The following ZC3H12B variants were observed in gnomAD, a reference collection of about 807,000 sequenced individuals.
ZC3H12B encodes the protein zinc finger CCCH-type containing 12B.
ZC3H12B carries 7 observed loss-of-function variants against 43.9 expected under a neutral mutation model. That is an observed-to-expected ratio of 0.16 (90% CI 0.09 to 0.30). The LOEUF is 0.30. Ranked by LOEUF, ZC3H12B falls within the 10% of genes least tolerant of loss-of-function variation. ZC3H12B has a pLI of 1.00. For synonymous variants in ZC3H12B, 222 were observed against 241.7 expected, an observed-to-expected ratio of 0.92 and a Z score of 0.76; for missense variants, 475 against 670.2, an observed-to-expected ratio of 0.71 and a Z score of 3.22.
the ZC3H12B span, among the ~76,000 whole-genome samples, chrX:65,213,043 A>G: frequency 8.6e-5 from 9 of 105,083 alleles, no homozygotes; most frequent in East Asian, 8.7e-4. Context: ...TCCATTCCCT[A>G]CTCTCTTCTC....
chrX:65,390,947 C>T (rs371674286), intron 2 of ZC3H12B, among the ~76,000 whole-genome samples: 10 of 111,623 alleles, frequency 9.0e-5, no homozygotes, highest in East Asian at 2.8e-4. Context: ...GTTGTATCAT[C>T]GATGCAAAGA....
At chrX:65,162,951 G>A in the ZC3H12B span, among the ~76,000 whole-genome samples, 2 of 111,957 alleles carry the variant, frequency 1.8e-5, no homozygotes, top group African/African-American at 6.5e-5. Flanking sequence ...TTTTGGTGTG[G>A]ATGTCCTTTC....
At chrX:65,054,736 A>AT in the ZC3H12B span, among the ~76,000 whole-genome samples, 4 of 111,333 alleles carry the variant, frequency 3.6e-5, no homozygotes, top group Non-Finnish European at 7.5e-5. Context: ...ATGTTCTTCC[A>AT]TTTTTTTGTA....
chrX:65,328,136 G>A, the ZC3H12B span: 4 of 228,182 alleles, frequency 1.8e-5, no homozygotes, highest in Non-Finnish European at 3.6e-5. Flanking sequence ...CGGTGTCTAG[G>A]CCAACATTGC....
At chrX:65,302,466 T>C in the ZC3H12B span, among the ~76,000 whole-genome samples, 12 of 111,299 alleles carry the variant, frequency 1.1e-4, no homozygotes, top group East Asian at 3.4e-3. Context: ...AATAGGTACA[T>C]GATATAGGAG....
the ZC3H12B span, among the ~76,000 whole-genome samples, chrX:65,054,078 A>G: frequency 1.6e-4 from 18 of 111,822 alleles, no homozygotes; most frequent in Admixed American, 4.7e-4. Context: ...CTCTGATGGT[A>G]ATTTCTTTTG....
At chrX:65,270,489 A>G in the ZC3H12B span, among the ~76,000 whole-genome samples, 476 of 111,940 alleles carry the variant, frequency 4.3e-3, 3 homozygotes, top group Non-Finnish European at 6.3e-3. Flanking sequence ...TATTTTGGAT[A>G]TCATACCAAA....
intron 3 of ZC3H12B, among the ~76,000 whole-genome samples, chrX:65,477,598 C>A (rs1280323602): frequency 9.1e-6 from 1 of 110,284 alleles, no homozygotes; most frequent in African/African-American, 3.3e-5. Context: ...CAGGTCTCTA[C>A]TAAAAATACA....
the ZC3H12B span, among the ~76,000 whole-genome samples, chrX:65,273,240 C>T: frequency 9.0e-6 from 1 of 111,552 alleles, no homozygotes; most frequent in Non-Finnish European, 1.9e-5. Context: ...AGAAATGTAG[C>T]AAACAGTTCC....
At chrX:65,487,706 A>T (rs191754922), upstream of ZC3H12B, among the ~76,000 whole-genome samples, 13 of 112,197 alleles carry the variant, frequency 1.2e-4, no homozygotes, top group Admixed American at 1.9e-4. Flanking sequence ...CACATTCAGG[A>T]AAGTGCACAC....
At chrX:65,305,037 T>C in the ZC3H12B span, among the ~76,000 whole-genome samples, 28 of 111,489 alleles carry the variant, frequency 2.5e-4, no homozygotes, top group Non-Finnish European at 4.9e-4. Flanking sequence ...AGATGGCAAA[T>C]AAACACAAGA....
At chrX:65,048,946 A>G in the ZC3H12B span, among the ~76,000 whole-genome samples, 1 of 111,572 alleles carries the variant, frequency 9.0e-6, no homozygotes, top group Non-Finnish European at 1.9e-5. Context: ...GCATCTTTTC[A>G]TATACTTCTT....
chrX:65,479,701 C>T (rs967102977), intron 3 of ZC3H12B, among the ~76,000 whole-genome samples: 6 of 112,005 alleles, frequency 5.4e-5, no homozygotes, highest in Non-Finnish European at 7.5e-5. Flanking sequence ...GAAAACCTTT[C>T]GTTAAGTTCC....
chrX:65,235,453 G>T, the ZC3H12B span, among the ~76,000 whole-genome samples: 1 of 111,649 alleles, frequency 9.0e-6, no homozygotes, highest in South Asian at 3.7e-4. Flanking sequence ...CATGTTACAA[G>T]ATTCCTTTGG....
At chrX:65,418,777 C>T (rs2066987853) in intron 3 of ZC3H12B, among the ~76,000 whole-genome samples, 1 of 111,847 alleles carries the variant, frequency 8.9e-6, no homozygotes, top group Non-Finnish European at 1.9e-5. Flanking sequence ...CATTTCAAGA[C>T]TTGAACCAGT....
At chrX:65,141,545 A>G in the ZC3H12B span, among the ~76,000 whole-genome samples, 8 of 108,534 alleles carry the variant, frequency 7.4e-5, no homozygotes, top group Admixed American at 6.9e-4. Flanking sequence ...TCCATAGGTT[A>G]TTGGGGAACA....
chrX:65,298,889 G>C, the ZC3H12B span, among the ~76,000 whole-genome samples: 2 of 111,618 alleles, frequency 1.8e-5, no homozygotes, highest in Non-Finnish European at 3.8e-5. Flanking sequence ...GCAGGAAAGA[G>C]ATGTGCCAAG....
the ZC3H12B span, among the ~76,000 whole-genome samples, chrX:65,229,199 G>A: frequency 9.0e-6 from 1 of 110,701 alleles, no homozygotes; most frequent in African/African-American, 3.3e-5. Context: ...TAGATCAATG[G>A]AACACAACAG....
chrX:65,233,594 A>G, the ZC3H12B span, among the ~76,000 whole-genome samples: 1 of 110,783 alleles, frequency 9.0e-6, no homozygotes, highest in Non-Finnish European at 1.9e-5. Flanking sequence ...GGGATATGGA[A>G]AAAGCAGTAC....
Sources: allele counts gnomAD v4.1 joint callset (sites outside exome capture counted in the v4.1 genomes callset), GRCh38; gene constraint gnomAD v4.1.1; transcripts MANE v1.5; gene names NCBI Gene and HGNC (gene_info 2026-07-23, HGNC 2026-07-21).